Variants in TNNT2 observed in about 807,000 individuals in gnomAD.
TNNT2 encodes troponin T, cardiac muscle.
A neutral mutation model predicts 62.4 loss-of-function variants in TNNT2; 34 were observed. That is an observed-to-expected ratio of 0.54 (90% confidence interval 0.41 to 0.72). The LOEUF (loss-of-function observed/expected upper bound fraction) is 0.72. TNNT2 is among the 30% of genes least tolerant of loss of function. TNNT2 has a pLI of 0.00. For synonymous variants in TNNT2, 123 were observed against 127.2 expected, an observed-to-expected ratio of 0.97 and a Z score of 0.22; for missense variants, 275 against 381.9, an observed-to-expected ratio of 0.72 and a Z score of 2.33.
At chr1:201,361,026 C>A in intron 15 of TNNT2, 1 of 549,650 alleles carries the variant, frequency 1.8e-6, no homozygotes, top group South Asian at 1.9e-5. Context: ...TTGGAGACCC[C>A]CAGGGTTGGA....
chr1:201,365,880 T>G lies in TNNT2; in HGVS notation c.234-210A>C, dbSNP rs1571632769. ...ACACAAAGCTCTTTCACATATGCTATTTCACTTCATGCTCATGATATGCCC... is the reference window on the plus strand; with the variant it reads ...ACACAAAGCTCTTTCACATATGCTAGTTCACTTCATGCTCATGATATGCCC... On this transcript the variant is annotated intron_variant, in intron 8 of 16. Coordinates refer to ENST00000656932, the MANE Select transcript of TNNT2 (RefSeq NM_001276345.2). 9.8e-6 allele frequency: 14 copies of G among 1,433,262 alleles called. No homozygotes were observed. In the East Asian group the frequency reaches 3.6e-4, roughly 36 times the overall value. 88.8% of individuals were successfully genotyped at this position (1,433,262 alleles called of 1,614,324 possible). A position where few individuals can be genotyped will look rare whatever the true frequency, so the allele number is the denominator to read the frequency against.
At chr1:201,371,046 C>T (rs1371055667) in intron 4 of TNNT2, among the ~76,000 whole-genome samples, 1 of 152,234 alleles carries the variant, frequency 6.6e-6, no homozygotes, top group Non-Finnish European at 1.5e-5. Flanking sequence ...AGCCCTGGAA[C>T]AGCCCTAAAT....
At chr1:201,367,861 C>G (rs368262395) in intron 6 of TNNT2, 55 bp from the exon 7 acceptor site, 27 of 1,600,452 alleles carry the variant, frequency 1.7e-5, no homozygotes, top group Middle Eastern at 1.7e-4. Flanking sequence ...CAAGTCCCCC[C>G]CTCCGCCACC....
intron 11 of TNNT2, chr1:201,363,972 T>C (rs1892025): frequency 0.84 from 298,158 of 356,138 alleles, 125,349 homozygotes; most frequent in South Asian, 0.89. Flanking sequence ...ACTGCAACCT[T>C]GCCTCCTGGG....
chr1:201,368,171 T>C lies in TNNT2; in HGVS notation c.154A>G (p.Arg52Gly). ...TCAACCAGAGACTTACCTTCTGCCC[T>C]GGTCTCCTCGGTCTCAGCCTCTGCT... Reference protein sequence around the residue: ...AEAEAETEETRAEEDEEEEEA... With the variant: ...AEAEAETEETGAEEDEEEEEA... The change falls in exon 6 of 17, where the codon AGG (arginine) becomes GGG (glycine). Residue 52 changes from arginine to glycine, a missense_variant. Coordinates refer to ENST00000656932, the MANE Select transcript of TNNT2 (RefSeq NM_001276345.2). 6.2e-7 allele frequency: 1 copy of C among 1,614,148 alleles called. No homozygotes were observed. Among genetic ancestry groups the C allele is most frequent in the Non-Finnish European group, 8.5e-7 (1 of 1,180,026 alleles).
At chr1:201,371,752 A>G (rs962341705) in intron 4 of TNNT2, among the ~76,000 whole-genome samples, 4 of 152,110 alleles carry the variant, frequency 2.6e-5, no homozygotes, top group Admixed American at 6.5e-5. Flanking sequence ...AAAATTTCCC[A>G]TGATAAAAGG....
At chr1:201,372,770 G>A (rs1424523381) in intron 2 of TNNT2, among the ~76,000 whole-genome samples, 1 of 152,190 alleles carries the variant, frequency 6.6e-6, no homozygotes, top group Non-Finnish European at 1.5e-5. Context: ...TTTCCCTCTG[G>A]GATAGGACTG....
chr1:201,370,142 C>T (rs570994883), intron 4 of TNNT2, among the ~76,000 whole-genome samples: 27 of 152,342 alleles, frequency 1.8e-4, no homozygotes, highest in African/African-American at 6.3e-4. Flanking sequence ...GTGCCTGGCA[C>T]AAGAGGAGCA....
Position 201,365,646 on chromosome 1 carries a change from A to T in TNNT2, c.258T>A (p.Pro86=), listed in dbSNP as rs1571630862. ...CTCTCTCTCCATCGGGGATCTTGGG[A>T]GGCACCAAGTTGGGCATGAACGACC... ...KPRSFMPNLV[P]PKIPDGERVD... is the part of the protein sequence containing the mutation. Residue 86 remains proline, a synonymous_variant, in exon 9 of 17, where the codon CCT becomes CCA. Coordinates refer to ENST00000656932, the MANE Select transcript of TNNT2 (RefSeq NM_001276345.2). 1 of 1,613,936 alleles carries T rather than the reference A, an allele frequency of 6.2e-7. No homozygotes were observed.
chr1:201,362,564 G>A (rs1658877603), intron 12 of TNNT2, among the ~76,000 whole-genome samples, 170 bp from the exon 13 acceptor site: 1 of 152,196 alleles, frequency 6.6e-6, no homozygotes, highest in South Asian at 2.1e-4. Context: ...GGTTACAGCA[G>A]GGGCTGTTCG....
intron 11 of TNNT2, 46 bp from the exon 12 acceptor site, chr1:201,363,452 G>T (rs1659082120): frequency 6.4e-7 from 1 of 1,569,830 alleles, no homozygotes; most frequent in Admixed American, 1.7e-5. Flanking sequence ...GGAAAGGATT[G>T]GAAACCCTGA....
intron 8 of TNNT2, 186 bp from the exon 9 acceptor site, chr1:201,365,856 C>T (rs375125012): frequency 2.4e-5 from 35 of 1,479,756 alleles, no homozygotes; most frequent in South Asian, 1.9e-4. Flanking sequence ...CCTGGGAATA[C>T]ACAAAGCTCT....
intron 14 of TNNT2, 45 bp from the exon 15 acceptor site, chr1:201,361,414 C>A (rs1355750405): frequency 2.0e-6 from 3 of 1,522,594 alleles, no homozygotes; most frequent in African/African-American, 2.7e-5. Flanking sequence ...TAAGAAAGGG[C>A]CCTCCTGGGC....
At chr1:201,371,934 CA>C in intron 4 of TNNT2, 92 bp downstream of exon 4, 1 of 1,523,742 alleles carries the variant, frequency 6.6e-7, no homozygotes. Flanking sequence ...GAGTGAGGAG[CA>C]GGGACAGATG....
chr1:201,376,011 A>AGG (rs1397793484), intron 1 of TNNT2, among the ~76,000 whole-genome samples: 1 of 152,220 alleles, frequency 6.6e-6, no homozygotes, highest in Non-Finnish European at 1.5e-5. Context: ...GCAGGACCTG[A>AGG]TGCAGGGGAA....
chr1:201,366,876 A>AG lies in TNNT2; in HGVS notation c.200-6dup, dbSNP rs1300295327. The AG allele has an allele frequency of 6.2e-7, 1 of 1,613,874 alleles. No homozygotes were observed. Among genetic ancestry groups the AG allele is most frequent in the Non-Finnish European group, 8.5e-7 (1 of 1,179,970 alleles). Reference sequence around the variant, plus strand: ...TGGACTCCTCCATTGGGCCATCTGGAGGAGATAGAAGCACACAGCCATGGG... The same window carrying AG: ...TGGACTCCTCCATTGGGCCATCTGGAGGGAGATAGAAGCACACAGCCATGGG... On this transcript the variant is annotated splice_region_variant and splice_polypyrimidine_tract_variant and intron_variant, in intron 7 of 16. Transcript: ENST00000656932.
At chr1:201,371,567 G>A (rs565699118) in intron 4 of TNNT2, among the ~76,000 whole-genome samples, 12 of 152,248 alleles carry the variant, frequency 7.9e-5, no homozygotes, top group Middle Eastern at 3.4e-3. Flanking sequence ...ATCTTGAAGC[G>A]TGAACTGACA....
At chr1:201,372,994 T>C in intron 2 of TNNT2, 1 of 680,628 alleles carries the variant, frequency 1.5e-6, no homozygotes, top group Non-Finnish European at 2.7e-6. Context: ...GAGCTGAACC[T>C]CTGTGCTTCC....
At chr1:201,371,894 C>T (rs1203720804) in intron 4 of TNNT2, 133 bp downstream of exon 4, 16 of 1,201,220 alleles carry the variant, frequency 1.3e-5, no homozygotes, top group Admixed American at 5.7e-5. Flanking sequence ...TTTTAGAAGG[C>T]ACTGTTGTTG....
Sources: allele counts gnomAD v4.1 joint callset (sites outside exome capture counted in the v4.1 genomes callset), GRCh38; gene constraint gnomAD v4.1.1; transcripts MANE v1.5; gene names NCBI Gene and HGNC (gene_info 2026-07-23, HGNC 2026-07-21).